The following KDM4A variants were observed in gnomAD, a reference collection of about 807,000 sequenced individuals.
The protein encoded by KDM4A is lysine-specific demethylase 4A.
In KDM4A, 23 loss-of-function variants were observed where a neutral mutation model predicts 127.1. That is an observed-to-expected ratio of 0.18 (90% CI 0.13 to 0.26). The LOEUF is 0.26. Ranked by LOEUF, KDM4A falls within the 10% of genes least tolerant of loss-of-function variation. The pLI is 1.00. For missense variants in KDM4A, 890 were observed against 1,329.1 expected (o/e 0.67, Z 5.14); for synonymous variants, 443 against 466.5 (o/e 0.95, Z 0.65).
At position 43,667,967 on chromosome 1, in the gene KDM4A, G is replaced by A; in HGVS notation, c.1111G>A (p.Glu371Lys). The A allele has an allele frequency of 6.2e-7, 1 of 1,614,206 alleles. No individual in the cohort carries two copies. The highest frequency in any genetic ancestry group is 2.2e-5 in the East Asian group (1 of 44,874). The change falls in exon 9 of 22, where the codon GAG (glutamate) becomes AAG (lysine). Residue 371 changes from glutamate (E) to lysine (K), a missense_variant. Transcript: ENST00000372396. The stretch of plus-strand genomic sequence containing the variant: ...AGCTGGCAACGAGGAGGAGTGCCCA[G>A]AGGAGGACATGGAAGGGGTGGAGGA... ...PRAGNEEECP[E>K]EDMEGVEDGE...
At chr1:43,681,410 T>C (rs1660853940) in intron 11 of KDM4A, among the ~76,000 whole-genome samples, 1 of 152,252 alleles carries the variant, frequency 6.6e-6, no homozygotes, top group African/African-American at 2.4e-5. Context: ...GTGCTGCGGA[T>C]TCCCAGATCT....
intron 4 of KDM4A, among the ~76,000 whole-genome samples, chr1:43,661,925 C>T (rs1260767856): frequency 6.6e-6 from 1 of 152,144 alleles, no homozygotes; most frequent in Non-Finnish European, 1.5e-5. Flanking sequence ...GACAGAGTCT[C>T]GCCCTGCCAC....
At chr1:43,659,649 G>C (rs963036345) in intron 3 of KDM4A, among the ~76,000 whole-genome samples, 2 of 152,044 alleles carry the variant, frequency 1.3e-5, no homozygotes, top group African/African-American at 4.8e-5. Context: ...GCTTTATGTA[G>C]ATAGGTAGAT....
In KDM4A at chr1:43,704,097, A is replaced by G; in HGVS notation, c.3039A>G (p.Arg1013=). 1 of 1,614,052 alleles carries G rather than the reference A, an allele frequency of 6.2e-7. No individual in the cohort carries two copies. The highest frequency in any genetic ancestry group is 1.6e-4 in the Middle Eastern group (1 of 6,062). The change falls in exon 21 of 22, where the codon AGA becomes AGG. Residue 1013 remains arginine (R), a synonymous_variant. Transcript: ENST00000372396. ...CACTGGATGAAGAGCTTCCCAAGAG[A>G]GTCAAATCTAGACTGGTGAGTATTT... is the stretch of plus-strand genomic sequence containing the variant. ...VYTLDEELPK[R]VKSRLSVASD... is the part of the protein sequence containing the mutation.
In KDM4A at chr1:43,704,009, T is replaced by C. The variant is rs1179084153; in HGVS notation, c.2962-11T>C. 1 of 1,613,012 alleles carries C rather than the reference T, an allele frequency of 6.2e-7. No individual in the cohort carries two copies. The highest frequency in any genetic ancestry group is 1.3e-5 in the African/African-American group (1 of 74,888). On this transcript the variant is annotated splice_polypyrimidine_tract_variant and intron_variant, in intron 20 of 21. Transcript: ENST00000372396. ...GATATCCTAGCCAAAAGGCCTTTGT[T>C]TCCTTGGTAGGTGGAGTTTGAGGAT...
chr1:43,686,189 T>C (rs1660973595), intron 12 of KDM4A, among the ~76,000 whole-genome samples: 2 of 142,850 alleles, frequency 1.4e-5, no homozygotes, highest in East Asian at 2.2e-4. Flanking sequence ...GAGTCTCACT[T>C]ACTCTGTTGC....
In KDM4A at chr1:43,703,912, T is replaced by C. The variant is rs1338038309; in HGVS notation, c.2962-108T>C. 2.3e-6 allele frequency: 3 copies of C among 1,299,458 alleles called. No homozygotes were observed. In the East Asian group the frequency reaches 6.9e-5, roughly 30 times the overall value. 80.5% of individuals were successfully genotyped at this position (1,299,458 alleles called of 1,614,324 possible). A position where few individuals can be genotyped will look rare whatever the true frequency, so the allele number is the denominator to read the frequency against. On this transcript the variant is annotated intron_variant, in intron 20 of 21. Transcript: ENST00000372396. Reference sequence around the variant, plus strand: ...AATGTGAAGTAAGGTAGTTGTTATTTTAGTGTTCTAACTCCTTCCTTTGAC... The same window carrying C: ...AATGTGAAGTAAGGTAGTTGTTATTCTAGTGTTCTAACTCCTTCCTTTGAC...
intron 11 of KDM4A, among the ~76,000 whole-genome samples, chr1:43,672,239 A>G (rs1660637020): frequency 6.6e-6 from 1 of 151,508 alleles, no homozygotes; most frequent in African/African-American, 2.4e-5. Flanking sequence ...GCCTAGCTAG[A>G]GTGCAGTGGC....
intron 11 of KDM4A, among the ~76,000 whole-genome samples, chr1:43,675,898 C>T (rs971962200): frequency 6.6e-6 from 1 of 151,258 alleles, no homozygotes; most frequent in Non-Finnish European, 1.5e-5. Context: ...CATGGCGAAA[C>T]CCCATCTCTA....
intron 11 of KDM4A, among the ~76,000 whole-genome samples, chr1:43,682,224 G>A (rs1215406835): frequency 3.3e-5 from 5 of 152,166 alleles, no homozygotes; most frequent in Admixed American, 1.3e-4. Context: ...GATTATAGGC[G>A]TGAGCCACTG....
In KDM4A at chr1:43,694,713, G is replaced by A; in HGVS notation, c.2489G>A (p.Cys830Tyr). 6.2e-7 allele frequency: 1 copy of A among 1,608,634 alleles called. No individual in the cohort carries two copies. The highest frequency in any genetic ancestry group is 8.5e-7 in the Non-Finnish European group (1 of 1,175,434). ...KIPLPRFKLK[C>Y]IFCKKRRKRT... ...TTTTCTTCCCCTGTGCTACAGAAAT[G>A]TATCTTCTGTAAGAAGCGGAGGAAA... Residue 830 changes from cysteine (C) to tyrosine (Y), a missense_variant, in exon 18 of 22, where the codon TGT (cysteine) becomes TAT (tyrosine). Physicochemically the swap from Cys to Tyr is radical, Grantham distance 194 (BLOSUM62 -2). Coordinates refer to ENST00000372396, the MANE Select transcript of KDM4A (RefSeq NM_014663.3). This position sits in a 1 kb window ranked among gnomAD's most constrained non-coding sequence, Gnocchi z 5.2.
intron 1 of KDM4A, among the ~76,000 whole-genome samples, chr1:43,652,704 G>C (rs527778630): frequency 7.3e-6 from 1 of 136,500 alleles, no homozygotes. Flanking sequence ...TTTTTGAGAC[G>C]GAGTTTCGCT....
chr1:43,678,945 T>G (rs1361771581), intron 11 of KDM4A, among the ~76,000 whole-genome samples: 1 of 152,214 alleles, frequency 6.6e-6, no homozygotes. Context: ...TTAACAGTTT[T>G]TTTAGTAAAC....
rs1570889374 is a variant in KDM4A, at chr1:43,704,248, C to T, written c.3073C>T (p.Arg1025Cys). Residue 1025 changes from arginine to cysteine, a missense_variant, in exon 22 of 22, where the codon CGC becomes TGC. This residue lies in a region of KDM4A where 246 missense variants were observed against 418.4 expected (regional missense o/e 0.59). Transcript: ENST00000372396. ...TCTATAGTCAGTAGCCTCAGACATG[C>T]GCTTCAATGAGATTTTCACAGAGAA... Reference protein sequence around the residue: ...KSRLSVASDMRFNEIFTEKEV... With the variant: ...KSRLSVASDMCFNEIFTEKEV... 1 of 1,614,054 alleles carries T rather than the reference C, an allele frequency of 6.2e-7. No homozygotes were observed. Among genetic ancestry groups the T allele is most frequent in the Non-Finnish European group, 8.5e-7 (1 of 1,180,006 alleles).
Position 43,693,935 on chromosome 1 carries a change from G to A in KDM4A, c.2376-59G>A. ...GGAAGCGCTGTCAGCAGGCCCAAAAGAGAAGGCCACAGAGCCTTGGGCCCA... is the reference window on the plus strand; with the variant it reads ...GGAAGCGCTGTCAGCAGGCCCAAAAAAGAAGGCCACAGAGCCTTGGGCCCA... On this transcript the variant is annotated intron_variant, in intron 16 of 21. Coordinates refer to ENST00000372396, the MANE Select transcript of KDM4A (RefSeq NM_014663.3). The surrounding 1 kb of genome is among the most constrained non-coding windows in gnomAD (Gnocchi z 4.2). 2.1e-6 allele frequency: 3 copies of A among 1,439,740 alleles called. No homozygotes were observed. The highest frequency in any genetic ancestry group is 1.2e-5 in the South Asian group (1 of 86,812). 89.2% of individuals were successfully genotyped at this position (1,439,740 alleles called of 1,614,324 possible). A position where few individuals can be genotyped will look rare whatever the true frequency, so the allele number is the denominator to read the frequency against.
chr1:43,655,853 G>C, intron 3 of KDM4A, 87 bp downstream of exon 3: 1 of 1,112,468 alleles, frequency 9.0e-7, no homozygotes, highest in Non-Finnish European at 1.3e-6. Flanking sequence ...CTGCTGTCCT[G>C]ATGAACAGTG....
At chr1:43,681,958 A>G (rs1256919879) in intron 11 of KDM4A, among the ~76,000 whole-genome samples, 1 of 152,058 alleles carries the variant, frequency 6.6e-6, no homozygotes, top group East Asian at 1.9e-4. Flanking sequence ...TAGCCAAAGA[A>G]CCCTTTTACT....
chr1:43,659,047 A>G (rs1403736358), intron 3 of KDM4A, among the ~76,000 whole-genome samples: 1 of 151,966 alleles, frequency 6.6e-6, no homozygotes, highest in East Asian at 1.9e-4. Context: ...CTATAATCCC[A>G]TCACTTTGGG....
intron 11 of KDM4A, among the ~76,000 whole-genome samples, chr1:43,672,277 C>T (rs1660637899): frequency 6.6e-6 from 1 of 152,026 alleles, no homozygotes; most frequent in Non-Finnish European, 1.5e-5. Context: ...CAACCTCTGC[C>T]TTCCAGGTTC....
Sources: gnomAD v4.1 joint callset for allele counts (sites outside exome capture counted in the v4.1 genomes callset) on GRCh38, gnomAD v4.1.1 for gene constraint, gnomAD v4.1.1 regional missense constraint, Gnocchi (gnomAD v3.1) non-coding constraint, MANE v1.5 for transcripts, NCBI Gene and HGNC (gene_info 2026-07-23, HGNC 2026-07-21) for gene names.